Variants in GFRA3 observed in about 807,000 individuals in gnomAD.
The protein encoded by GFRA3 is GDNF family receptor alpha-3.
In GFRA3, 24 loss-of-function variants were observed where a neutral mutation model predicts 40.0. That is an observed-to-expected ratio of 0.60 (90% confidence interval 0.43 to 0.84). GFRA3 has a LOEUF of 0.84. Among genes scored for constraint, GFRA3 ranks in the 40% least tolerant of loss-of-function variants. The pLI is 0.00. For synonymous variants in GFRA3, 203 were observed against 213.5 expected (o/e 0.95, Z 0.43); for missense variants, 405 against 530.6 (o/e 0.76, Z 2.33).
intron 1 of GFRA3, among the ~76,000 whole-genome samples, chr5:138,270,905 C>T (rs760279603): frequency 6.6e-6 from 1 of 152,060 alleles, no homozygotes. Flanking sequence ...TACAAGTTTA[C>T]GATGTTACTT....
In GFRA3 at chr5:138,264,507, G is replaced by C; in HGVS notation, c.133C>G (p.Leu45Val). Reference protein sequence around the residue: ...PTESRLMNSCLQARRKCQADP... With the variant: ...PTESRLMNSCVQARRKCQADP... ...GCCTGGCACTTCCTCCTGGCCTGGAGACAGCTGTTCATGAGTCGGCTTTCT... is the reference window on the plus strand; with the variant it reads ...GCCTGGCACTTCCTCCTGGCCTGGACACAGCTGTTCATGAGTCGGCTTTCT... The change falls in exon 2 of 8, where the codon CTC (leucine) becomes GTC (valine). Residue 45 changes from leucine to valine, a missense_variant. Coordinates refer to ENST00000274721, the MANE Select transcript of GFRA3 (RefSeq NM_001496.4). 1 of 1,612,658 alleles carries C rather than the reference G, an allele frequency of 6.2e-7. No homozygotes were observed. The highest frequency in any genetic ancestry group is 8.5e-7 in the Non-Finnish European group (1 of 1,179,118).
chr5:138,257,528 G>T, intron 4 of GFRA3, 111 bp downstream of exon 4: 1 of 827,300 alleles, frequency 1.2e-6, no homozygotes. Context: ...GAAGCAGCCA[G>T]TGGGTCCACG....
rs1755923886 is a variant in GFRA3, at chr5:138,274,535, G to A, written c.-111C>T. 2.4e-6 allele frequency: 3 copies of A among 1,234,120 alleles called. No individual in the cohort carries two copies. In the South Asian group the frequency reaches 1.2e-4, roughly 48 times the overall value. 76.4% of individuals were successfully genotyped at this position (1,234,120 alleles called of 1,614,324 possible). On this transcript the variant is annotated 5_prime_UTR_variant, in exon 1 of 8. Coordinates refer to ENST00000274721, the MANE Select transcript of GFRA3 (RefSeq NM_001496.4). ...GCCCCCGCCTCCCGCCCTCCAGCGC[G>A]ACGCACACACTCTCCCACCAGGGTC...
In GFRA3 at chr5:138,252,872, T is replaced by G; in HGVS notation, c.*96A>C. The stretch of plus-strand genomic sequence containing the variant: ...TTCTCCTGTGCCCTCATCTGCGCAC[T>G]GCACCTCCTTCCTGCTGCTGTCCTT... On this transcript the variant is annotated 3_prime_UTR_variant, in exon 8 of 8. Transcript: ENST00000274721. 1 of 710,710 alleles carries G rather than the reference T, an allele frequency of 1.4e-6. No homozygotes were observed. The highest frequency in any genetic ancestry group is 2.5e-6 in the Non-Finnish European group (1 of 392,708). 44.0% of individuals were successfully genotyped at this position (710,710 alleles called of 1,614,324 possible).
rs1313406084 is a variant in GFRA3, at chr5:138,257,706, C to T, written c.718G>A (p.Ala240Thr). 1.2e-6 allele frequency: 2 copies of T among 1,610,390 alleles called. No individual in the cohort carries two copies. Among genetic ancestry groups the T allele is most frequent in the Non-Finnish European group, 1.7e-6 (2 of 1,179,044 alleles). The change falls in exon 4 of 8, where the codon GCG (alanine) becomes ACG (threonine). Residue 240 changes from alanine to threonine, a missense_variant. Ala to Thr is a moderately conservative substitution (Grantham distance 58, BLOSUM62 0). Coordinates refer to ENST00000274721, the MANE Select transcript of GFRA3 (RefSeq NM_001496.4). ...CAGTTGGGGGCCACAGGCGGCAGCGCGCAGTTGGGGGCGATGGTGTTGCGC... is the reference window on the plus strand; with the variant it reads ...CAGTTGGGGGCCACAGGCGGCAGCGTGCAGTTGGGGGCGATGGTGTTGCGC... The part of the protein sequence containing the change: ...RRRNTIAPNC[A>T]LPPVAPNCLE...
At chr5:138,272,724 G>A (rs1292926439) in intron 1 of GFRA3, among the ~76,000 whole-genome samples, 4 of 151,946 alleles carry the variant, frequency 2.6e-5, no homozygotes, top group East Asian at 1.9e-4. Flanking sequence ...CACATGTAAC[G>A]GGTGGAGTAA....
intron 1 of GFRA3, among the ~76,000 whole-genome samples, chr5:138,274,076 G>C (rs559784669): frequency 5.1e-4 from 77 of 152,258 alleles, no homozygotes; most frequent in South Asian, 3.1e-3. Context: ...GAGGGAAGAG[G>C]GGGGAAAAAG....
rs1266644271 is a variant in GFRA3 at position 138,257,914 on chromosome 5, A to C, written c.510T>G (p.Thr170=). The change falls in exon 4 of 8, where the codon ACT becomes ACG. Residue 170 remains threonine (T), a synonymous_variant. Transcript: ENST00000274721. ...DLCLKFAMLC[T]LNDKCDRLRK... ...GCAGCCGGTCACACTTGTCATTGAG[A>C]GTACACAGCATGGCAAACTTGAGGC... is the stretch of plus-strand genomic sequence containing the variant. 1.2e-6 allele frequency: 2 copies of C among 1,613,976 alleles called. No homozygotes were observed. Among genetic ancestry groups the C allele is most frequent in the East Asian group, 2.2e-5 (1 of 44,892 alleles).
chr5:138,273,436 A>C (rs187981627), intron 1 of GFRA3, among the ~76,000 whole-genome samples: 1 of 152,366 alleles, frequency 6.6e-6, no homozygotes, highest in East Asian at 1.9e-4. Flanking sequence ...AGGATTAGTG[A>C]AATTTCCTGG....
chr5:138,268,592 G>GA (rs1293320637), intron 1 of GFRA3, among the ~76,000 whole-genome samples: 1 of 151,884 alleles, frequency 6.6e-6, no homozygotes, highest in African/African-American at 2.4e-5. Context: ...AAATCAGCAA[G>GA]AAAAAAACAA....
At chr5:138,266,001 C>T (rs961422240) in intron 1 of GFRA3, among the ~76,000 whole-genome samples, 3 of 152,150 alleles carry the variant, frequency 2.0e-5, no homozygotes, top group Non-Finnish European at 4.4e-5. Context: ...CAGCCAGTAC[C>T]TCATTGTTCT....
chr5:138,274,389 G>A lies in GFRA3; in HGVS notation c.36C>T (p.Pro12=), dbSNP rs758357055. Residue 12 remains proline, a synonymous_variant, in exon 1 of 8, where the codon CCC becomes CCT. Transcript: ENST00000274721. The part of the protein sequence containing the change: ...VRPLNPRPLP[P]VVLMLLLLLP... ...GCAGCAGCAGCAACATCAGGACTAC[G>A]GGCGGCAGCGGTCGCGGGTTCAGGG... 19 of 1,319,022 alleles carry A rather than the reference G, an allele frequency of 1.4e-5. No individual in the cohort carries two copies. Among genetic ancestry groups the A allele is most frequent in the Admixed American group, 1.4e-4 (4 of 28,104 alleles). The allele number at this position is 1,319,022 out of a possible 1,614,324, so 81.7% of individuals were successfully genotyped here. A position where few individuals can be genotyped will look rare whatever the true frequency, so the allele number is the denominator to read the frequency against.
Position 138,252,677 on chromosome 5 carries a change from C to G in GFRA3, c.*291G>C, listed in dbSNP as rs1003223059. ...GGCTAACTTATTAGATTCTGGTGAT[C>G]CTGGTAGTCAAGAGGAAGGGCTCAG... On this transcript the variant is annotated 3_prime_UTR_variant, in exon 8 of 8. Transcript: ENST00000274721. 8 of 295,092 alleles carry G rather than the reference C, an allele frequency of 2.7e-5. No individual in the cohort carries two copies. The highest frequency in any genetic ancestry group is 5.1e-5 in the Non-Finnish European group (8 of 156,464). The allele number at this position is 295,092 out of a possible 1,614,324, so 18.3% of individuals were successfully genotyped here. A position where few individuals can be genotyped will look rare whatever the true frequency, so the allele number is the denominator to read the frequency against.
In GFRA3 at chr5:138,252,547, A is replaced by C. The variant is rs1192273910; in HGVS notation, c.*421T>G. On this transcript the variant is annotated 3_prime_UTR_variant, in exon 8 of 8. Transcript: ENST00000274721. ...TTCCATCCTCCACTCAGAGGAGGAG[A>C]CGAGGGGGCAGGAGCCTTCTTCACA... is the stretch of plus-strand genomic sequence containing the variant. The C allele has an allele frequency of 1.2e-5, 2 of 161,716 alleles. No homozygotes were observed. The highest frequency in any genetic ancestry group is 2.7e-5 in the Non-Finnish European group (2 of 73,666). The allele number at this position is 161,716 out of a possible 1,614,324, so 10.0% of individuals were successfully genotyped here. A position where few individuals can be genotyped will look rare whatever the true frequency, so the allele number is the denominator to read the frequency against.
chr5:138,270,999 T>C (rs984758762), intron 1 of GFRA3, among the ~76,000 whole-genome samples: 1 of 149,358 alleles, frequency 6.7e-6, no homozygotes, highest in Non-Finnish European at 1.5e-5. Context: ...TAAAAATAAT[T>C]TTTTTTTTTT....
At chr5:138,254,210 A>C in intron 4 of GFRA3, 50 bp from the exon 5 acceptor site, 1 of 1,048,238 alleles carries the variant, frequency 9.5e-7, no homozygotes, top group Non-Finnish European at 1.5e-6. Context: ...TTTTGAGATG[A>C]TGTCTCACTC....
At chr5:138,271,718 G>C (rs1755871233) in intron 1 of GFRA3, among the ~76,000 whole-genome samples, 1 of 143,656 alleles carries the variant, frequency 7.0e-6, no homozygotes, top group African/African-American at 2.7e-5. Context: ...AGCTGGGACT[G>C]CATGCATGCA....
chr5:138,269,844 CAAAAAA>C (rs71585112), intron 1 of GFRA3, among the ~76,000 whole-genome samples: 1 of 80,002 alleles, frequency 1.2e-5, no homozygotes. Context: ...GACTCCATCT[CAAAAAA>C]AAAAAAAAAA....
chr5:138,269,132 A>G (rs1755829808), intron 1 of GFRA3, among the ~76,000 whole-genome samples: 1 of 152,162 alleles, frequency 6.6e-6, no homozygotes, highest in African/African-American at 2.4e-5. Context: ...CAAAAAATCA[A>G]AAAACAGTAG....
Sources: gnomAD v4.1 joint callset for allele counts (sites outside exome capture counted in the v4.1 genomes callset) on GRCh38, gnomAD v4.1.1 for gene constraint, MANE v1.5 for transcripts, NCBI Gene and HGNC (gene_info 2026-07-23, HGNC 2026-07-21) for gene names.